The following EPB41L4A variants were observed in gnomAD, a reference collection of about 807,000 sequenced individuals.
EPB41L4A encodes band 4.1-like protein 4A.
A neutral mutation model predicts 108.6 loss-of-function variants in EPB41L4A; 100 were observed. The observed-to-expected ratio is 0.92, with a 90% CI of 0.78 to 1.09. The LOEUF is 1.09. Among genes scored for constraint, EPB41L4A ranks in the 50% least tolerant of loss-of-function variants. EPB41L4A has a pLI of 0.00. For synonymous variants in EPB41L4A, 319 were observed against 289.0 expected, an observed-to-expected ratio of 1.10 and a Z score of -1.05; for missense variants, 1,030 against 842.7, an observed-to-expected ratio of 1.22 and a Z score of -2.75.
intron 1 of EPB41L4A, among the ~76,000 whole-genome samples, chr5:112,337,921 A>G (rs1164053815): frequency 6.6e-6 from 1 of 152,148 alleles, no homozygotes; most frequent in Non-Finnish European, 1.5e-5. Context: ...AAACAAAGGT[A>G]CCAATGACTG....
intron 9 of EPB41L4A, among the ~76,000 whole-genome samples, chr5:112,247,316 A>G (rs1335129290): frequency 6.6e-6 from 1 of 152,204 alleles, no homozygotes; most frequent in African/African-American, 2.4e-5. Context: ...TTATTCATTT[A>G]AAATAAGTCT....
intron 9 of EPB41L4A, among the ~76,000 whole-genome samples, chr5:112,247,441 C>G (rs996356672): frequency 6.6e-6 from 1 of 152,144 alleles, no homozygotes; most frequent in Non-Finnish European, 1.5e-5. Context: ...CGCCATTTCC[C>G]TGTGCCTTTC....
chr5:112,218,669 G>A (rs1358307172), intron 12 of EPB41L4A, among the ~76,000 whole-genome samples: 1 of 152,130 alleles, frequency 6.6e-6, no homozygotes, highest in Non-Finnish European at 1.5e-5. Context: ...TAAAGTAAAT[G>A]CAAATATAAA....
At chr5:112,141,937 C>T (rs912908189), downstream of EPB41L4A, among the ~76,000 whole-genome samples, 5 of 152,098 alleles carry the variant, frequency 3.3e-5, no homozygotes, top group Admixed American at 1.3e-4. Context: ...CCAACAACAC[C>T]GTGAGAACTA....
chr5:112,300,984 T>C (rs777970681), intron 2 of EPB41L4A, among the ~76,000 whole-genome samples: 9 of 152,162 alleles, frequency 5.9e-5, no homozygotes, highest in Admixed American at 1.3e-4. Context: ...GTGTCCTTTA[T>C]TTTCTGAAGT....
chr5:112,335,138 G>A lies in EPB41L4A; in HGVS notation c.100-27648C>T, dbSNP rs137950100. On this transcript the variant is annotated intron_variant, in intron 1 of 22. Coordinates refer to ENST00000261486, the MANE Select transcript of EPB41L4A (RefSeq NM_022140.5). The stretch of plus-strand genomic sequence containing the variant: ...AGGAGCCCTGGACACAGGATGTCTC[G>A]TCAGGTCCTGGCCAGGGCTTGGCAC... Among the ~76,000 whole-genome samples the A allele has an allele frequency of 1.4e-3, 215 of 152,278 alleles. 2 individuals carry two copies. The highest frequency in any genetic ancestry group is 4.8e-3 in the African/African-American group (199 of 41,572).
At chr5:112,152,172 G>A (rs186636315) in intron 12 of EPB41L4A, among the ~76,000 whole-genome samples, 4 of 147,214 alleles carry the variant, frequency 2.7e-5, no homozygotes, top group East Asian at 2.0e-4. Flanking sequence ...TCCAATACAA[G>A]ACCAAAATAT....
intron 9 of EPB41L4A, among the ~76,000 whole-genome samples, chr5:112,250,285 T>C (rs1034116974): frequency 1.1e-4 from 16 of 152,300 alleles, no homozygotes; most frequent in African/African-American, 3.6e-4. Context: ...AATAATTACA[T>C]ACAAATATTT....
At chr5:112,322,228 G>A (rs531353492) in intron 1 of EPB41L4A, among the ~76,000 whole-genome samples, 1 of 152,332 alleles carries the variant, frequency 6.6e-6, no homozygotes, top group East Asian at 1.9e-4. Flanking sequence ...ATTCAAGGAA[G>A]AAGGTATTAT....
downstream of EPB41L4A, chr5:112,161,572 C>T (rs1463019523): frequency 1.9e-6 from 1 of 519,156 alleles, no homozygotes; most frequent in African/African-American, 1.9e-5. Flanking sequence ...CTTTTCCTGC[C>T]CTTAAATTTG....
intron 19 of EPB41L4A, 129 bp downstream of exon 19, chr5:112,170,816 G>A: frequency 1.3e-6 from 1 of 786,454 alleles, no homozygotes; most frequent in Non-Finnish European, 2.1e-6. Context: ...CCATGTGCCT[G>A]CCACACACAG....
chr5:112,227,971 C>T (rs1303707328), intron 12 of EPB41L4A, among the ~76,000 whole-genome samples: 1 of 152,210 alleles, frequency 6.6e-6, no homozygotes, highest in Non-Finnish European at 1.5e-5. Context: ...AGTTGGCCCA[C>T]TGACCTACTA....
chr5:112,153,898 T>C (rs545856012), intron 12 of EPB41L4A, among the ~76,000 whole-genome samples: 1 of 151,712 alleles, frequency 6.6e-6, no homozygotes, highest in African/African-American at 2.4e-5. Flanking sequence ...AACAAAAATA[T>C]AACTTACATT....
At chr5:112,367,716 A>G (rs1440020383) in intron 1 of EPB41L4A, among the ~76,000 whole-genome samples, 2 of 152,206 alleles carry the variant, frequency 1.3e-5, no homozygotes, top group Non-Finnish European at 2.9e-5. Flanking sequence ...AAAAACATCC[A>G]TTCCTTCCTC....
chr5:112,384,008 C>T (rs1283693516), intron 1 of EPB41L4A, among the ~76,000 whole-genome samples: 1 of 152,120 alleles, frequency 6.6e-6, no homozygotes, highest in Non-Finnish European at 1.5e-5. Flanking sequence ...AGAGCTCAAT[C>T]ACAAAAGACA....
In EPB41L4A at chr5:112,201,833, CT is replaced by C. The variant is rs1343830750; in HGVS notation, c.1376+2541del. ...AAATGAGGGCTATCACTATCTCCACCTTTTTCAGATGTACAGGCTGGGATTC... is the reference window on the plus strand; with the variant it reads ...AAATGAGGGCTATCACTATCTCCACCTTTTCAGATGTACAGGCTGGGATTC... On this transcript the variant is annotated intron_variant, in intron 15 of 22. Coordinates refer to ENST00000261486, the MANE Select transcript of EPB41L4A (RefSeq NM_022140.5). 3.3e-5 allele frequency among the ~76,000 whole-genome samples: 5 copies of C among 152,228 alleles called. No homozygotes were observed. The East Asian group carries it at 9.7e-4, about 29-fold the overall frequency.
At chr5:112,225,233 G>A (rs191232341) in intron 12 of EPB41L4A, among the ~76,000 whole-genome samples, 53 of 152,264 alleles carry the variant, frequency 3.5e-4, no homozygotes, top group African/African-American at 8.7e-4. Context: ...TATACCATGA[G>A]TCTTCCTCAT....
intron 1 of EPB41L4A, among the ~76,000 whole-genome samples, chr5:112,308,996 T>G (rs993298772): frequency 3.3e-5 from 5 of 152,216 alleles, no homozygotes; most frequent in Non-Finnish European, 5.9e-5. Context: ...TTTCCTAGCC[T>G]TTGAGTTAGG....
At chr5:112,239,915 C>T (rs921040042) in intron 10 of EPB41L4A, among the ~76,000 whole-genome samples, 178 bp from the exon 11 acceptor site, 3 of 152,090 alleles carry the variant, frequency 2.0e-5, no homozygotes, top group Non-Finnish European at 4.4e-5. Context: ...AATTTTGTTT[C>T]CATTTAAAAA....
Sources: allele counts gnomAD v4.1 joint callset (sites outside exome capture counted in the v4.1 genomes callset), GRCh38; gene constraint gnomAD v4.1.1; transcripts MANE v1.5; gene names NCBI Gene and HGNC (gene_info 2026-07-23, HGNC 2026-07-21).